Variants in IFT74 observed in about 807,000 individuals in gnomAD.
IFT74 encodes the protein intraflagellar transport 74.
IFT74 carries 92 observed loss-of-function variants against 96.7 expected under a neutral mutation model. That is an observed-to-expected ratio of 0.95 (90% CI 0.80 to 1.13). The LOEUF (loss-of-function observed/expected upper bound fraction) is 1.13, where lower values mean the gene tolerates loss of function less well. Among genes scored for constraint, IFT74 ranks in the 50% most tolerant of loss-of-function variants. The pLI, the probability that IFT74 is intolerant of heterozygous loss-of-function variation, is 0.00. For missense variants in IFT74, 811 were observed against 698.2 expected (o/e 1.16, Z -1.82); for synonymous variants, 223 against 213.2 (o/e 1.05, Z -0.40).
At chr9:26,998,071 C>G (rs1828263506) in intron 8 of IFT74, 3 of 1,613,248 alleles carry the variant, frequency 1.9e-6, no homozygotes, top group Middle Eastern at 1.7e-4. Flanking sequence ...AGATAGTAAC[C>G]TTGTTCTCAA....
intron 4 of IFT74, among the ~76,000 whole-genome samples, chr9:26,983,557 A>G (rs1827481867): frequency 6.6e-6 from 1 of 152,152 alleles, no homozygotes; most frequent in Non-Finnish European, 1.5e-5. Context: ...GGTGCTAATC[A>G]CTGACCCAAA....
rs150788916 is a variant in IFT74 at position 26,974,747 on chromosome 9, C to T, written c.121-3381C>T. On this transcript the variant is annotated intron_variant, in intron 2 of 19. Coordinates refer to ENST00000380062, the MANE Select transcript of IFT74 (RefSeq NM_025103.4). ...AGGATGCCTGGGATGGATATTAACT[C>T]GACCCAGGTATATAATTGAGGTCCT... is the stretch of plus-strand genomic sequence containing the variant. 2.5e-3 allele frequency among the ~76,000 whole-genome samples: 382 copies of T among 152,252 alleles called. 1 individual carries two copies. Among genetic ancestry groups the T allele is most frequent in the Admixed American group, 4.5e-3 (69 of 15,280 alleles).
At chr9:27,050,724 G>A (rs561805645) in intron 16 of IFT74, among the ~76,000 whole-genome samples, 2 of 139,262 alleles carry the variant, frequency 1.4e-5, no homozygotes, top group South Asian at 2.4e-4. Flanking sequence ...ATCACACACC[G>A]GGGCCTGTTT....
chr9:26,948,828 C>T (rs1825846266), intron 1 of IFT74, among the ~76,000 whole-genome samples: 1 of 152,106 alleles, frequency 6.6e-6, no homozygotes, highest in South Asian at 2.1e-4. Context: ...ATCTGTTTTA[C>T]TAGATTCATC....
chr9:26,980,317 C>A (rs1827313936), intron 3 of IFT74, among the ~76,000 whole-genome samples: 1 of 152,168 alleles, frequency 6.6e-6, no homozygotes, highest in East Asian at 1.9e-4. Flanking sequence ...TTCCATCGTC[C>A]TGTTCTGTAG....
At chr9:26,960,396 C>A (rs1037174290) in intron 1 of IFT74, among the ~76,000 whole-genome samples, 1 of 151,972 alleles carries the variant, frequency 6.6e-6, no homozygotes, top group South Asian at 2.1e-4. Flanking sequence ...ATATTGTAGC[C>A]CAGTAAACAC....
Position 26,969,741 on chromosome 9 carries a change from A to G in IFT74, c.120+7654A>G, listed in dbSNP as rs147097992. Among the ~76,000 whole-genome samples, 198 of 152,084 alleles carry G rather than the reference A, an allele frequency of 1.3e-3. 2 individuals are homozygous for G. Among genetic ancestry groups the G allele is most frequent in the African/African-American group, 4.4e-3 (182 of 41,524 alleles). On this transcript the variant is annotated intron_variant, in intron 2 of 19. Transcript: ENST00000380062. ...TGTCCTCTTCCTTTGTGATTGTTCT[A>G]TAAGAACTGTGAGTTTAATATTTTT...
At chr9:26,998,178 C>A in intron 8 of IFT74, 1 of 1,574,346 alleles carries the variant, frequency 6.4e-7, no homozygotes. Context: ...AGTATAGTAA[C>A]ATCTTTCTTG....
In IFT74 at chr9:27,047,462, T is replaced by C. The variant is rs16910953; in HGVS notation, c.1206+91T>C. On this transcript the variant is annotated intron_variant, in intron 15 of 19. Coordinates refer to ENST00000380062, the MANE Select transcript of IFT74 (RefSeq NM_025103.4). Reference sequence around the variant, plus strand: ...CTCAAAAAATAGAACGGCTCACTATTGTATCTTCTCATTTAACTGCTTCCT... The same window carrying C: ...CTCAAAAAATAGAACGGCTCACTATCGTATCTTCTCATTTAACTGCTTCCT... 0.13 allele frequency: 88,222 copies of C among 670,310 alleles called. 6,212 individuals are homozygous for C. The highest frequency in any genetic ancestry group is 0.19 in the Middle Eastern group (784 of 4,034). The allele number at this position is 670,310 out of a possible 1,614,324, so 41.5% of individuals were successfully genotyped here. A position where few individuals can be genotyped will look rare whatever the true frequency, so the allele number is the denominator to read the frequency against.
intron 12 of IFT74, among the ~76,000 whole-genome samples, chr9:27,026,456 A>G (rs1829861676): frequency 6.6e-6 from 1 of 152,186 alleles, no homozygotes; most frequent in Non-Finnish European, 1.5e-5. Flanking sequence ...GATTTAAATT[A>G]TACCCTAGAA....
intron 16 of IFT74, among the ~76,000 whole-genome samples, chr9:27,053,583 A>G (rs1183804446): frequency 5.3e-5 from 8 of 152,188 alleles, no homozygotes; most frequent in African/African-American, 1.4e-4. Context: ...ACTTCACGGC[A>G]TATCAGAAGG....
chr9:26,988,599 T>G, intron 6 of IFT74, 70 bp from the exon 7 acceptor site: 7 of 1,303,172 alleles, frequency 5.4e-6, no homozygotes, highest in Non-Finnish European at 7.3e-6. Context: ...AATACCTATA[T>G]TATTAATTAT....
At chr9:27,061,677 G>GTATATATATA (rs10668267) in intron 19 of IFT74, among the ~76,000 whole-genome samples, 7,908 of 142,880 alleles carry the variant, frequency 0.055, 721 homozygotes, top group East Asian at 0.48. Flanking sequence ...ATATCCACAA[G>GTATATATATA]TATATATATA....
At position 27,009,307 on chromosome 9, in the gene IFT74, C is replaced by T. The variant is rs56307252; in HGVS notation, c.726+149C>T. The stretch of plus-strand genomic sequence containing the variant: ...TAACAAGGTCCCCATCTGATTCATA[C>T]GTATATTCACATTTCAGAAGAATTT... On this transcript the variant is annotated intron_variant, in intron 9 of 19. Transcript: ENST00000380062. 0.1 allele frequency: 55,139 copies of T among 550,466 alleles called. 9,758 individuals carry two copies. Among genetic ancestry groups the T allele is most frequent in the East Asian group, 0.68 (23,562 of 34,450 alleles). The allele number at this position is 550,466 out of a possible 1,614,324, so 34.1% of individuals were successfully genotyped here.
chr9:26,947,501 A>C, intron 1 of IFT74: 3 of 155,752 alleles, frequency 1.9e-5, no homozygotes, highest in Non-Finnish European at 1.4e-5. Context: ...AATTCCCATA[A>C]TGCCGCGCCA....
intron 9 of IFT74, among the ~76,000 whole-genome samples, chr9:27,011,199 C>T (rs975640536): frequency 5.3e-5 from 8 of 152,078 alleles, no homozygotes; most frequent in African/African-American, 1.9e-4. Context: ...TTGCAGTGAG[C>T]CGAGATCATG....
rs201953338 is a variant in IFT74, at chr9:26,978,264, G to C, written c.256+1G>C. 90 of 1,612,262 alleles carry C rather than the reference G, an allele frequency of 5.6e-5. No homozygotes were observed. The highest frequency in any genetic ancestry group is 7.1e-5 in the Non-Finnish European group (84 of 1,179,582). On this transcript the variant is annotated splice_donor_variant, in intron 3 of 19. Coordinates refer to ENST00000380062, the MANE Select transcript of IFT74 (RefSeq NM_025103.4). LOFTEE classifies it high-confidence loss of function. Reference sequence around the variant, plus strand: ...ACTGGAATGAAAACTGGGACGAAAGGTACCTATTTTAAGATAAGTATGACA... The same window carrying C: ...ACTGGAATGAAAACTGGGACGAAAGCTACCTATTTTAAGATAAGTATGACA...
At chr9:27,042,708 C>A (rs906999706) in intron 13 of IFT74, among the ~76,000 whole-genome samples, 1 of 152,136 alleles carries the variant, frequency 6.6e-6, no homozygotes. Context: ...CTCCTAATCC[C>A]TTAATGCCTG....
At chr9:27,046,517 AAT>A (rs1384779197) in intron 14 of IFT74, among the ~76,000 whole-genome samples, 1 of 152,180 alleles carries the variant, frequency 6.6e-6, no homozygotes, top group Non-Finnish European at 1.5e-5. Context: ...GTAAAAAGAT[AAT>A]TTCCTAGAAT....
Sources: gnomAD v4.1 joint callset for allele counts (sites outside exome capture counted in the v4.1 genomes callset) on GRCh38, gnomAD v4.1.1 for gene constraint, MANE v1.5 for transcripts, NCBI Gene and HGNC (gene_info 2026-07-23, HGNC 2026-07-21) for gene names.